MINDY3: variants seen among roughly 807,000 people sequenced by gnomAD.
MINDY3 encodes ubiquitin carboxyl-terminal hydrolase MINDY-3.
A neutral mutation model predicts 69.2 loss-of-function variants in MINDY3; 38 were observed. That is an observed-to-expected ratio of 0.55 (90% CI 0.42 to 0.72). MINDY3 has a LOEUF of 0.72. MINDY3 is among the 30% of genes least tolerant of loss of function. MINDY3 has a pLI of 0.00. For synonymous variants in MINDY3, 192 were observed against 180.1 expected (o/e 1.07, Z -0.53); for missense variants, 522 against 519.0 (o/e 1.01, Z -0.06).
chr10:15,803,555 A>G (rs1264371191), intron 10 of MINDY3, among the ~76,000 whole-genome samples: 2 of 152,098 alleles, frequency 1.3e-5, no homozygotes, highest in Non-Finnish European at 2.9e-5. Flanking sequence ...CAGATTTTCC[A>G]TTTCCAAAAT....
Position 15,860,092 on chromosome 10 carries a change from G to A in MINDY3, c.94+114C>T, listed in dbSNP as rs111418994. 0.01 allele frequency: 7,711 copies of A among 768,858 alleles called. 374 individuals carry two copies. The African/African-American group carries it at 0.12, about 12-fold the overall frequency. 47.6% of individuals were successfully genotyped at this position (768,858 alleles called of 1,614,324 possible). ...AAGTCCAGCTTCAGCGCTGAGCACG[G>A]CGACTGGGGCAGAGAGCGGGGCACG... On this transcript the variant is annotated intron_variant, in intron 1 of 14. Coordinates refer to ENST00000277632, the MANE Select transcript of MINDY3 (RefSeq NM_024948.4).
chr10:15,858,504 T>C (rs1457330065), intron 1 of MINDY3, among the ~76,000 whole-genome samples: 1 of 152,258 alleles, frequency 6.6e-6, no homozygotes, highest in African/African-American at 2.4e-5. Context: ...GAGTGTTCAC[T>C]ATACGTCAGA....
intron 1 of MINDY3, among the ~76,000 whole-genome samples, chr10:15,858,787 TG>T (rs2132165128): frequency 6.6e-6 from 1 of 152,316 alleles, no homozygotes; most frequent in Non-Finnish European, 1.5e-5. Context: ...AAATGTTAAC[TG>T]ATTACAATGG....
At position 15,841,542 on chromosome 10, in the gene MINDY3, C is replaced by G. The variant is rs749577806; in HGVS notation, c.293G>C (p.Cys98Ser). The change falls in exon 4 of 15, where the codon TGT (cysteine) becomes TCT (serine). Residue 98 changes from cysteine (C) to serine (S), a missense_variant. Coordinates refer to ENST00000277632, the MANE Select transcript of MINDY3 (RefSeq NM_024948.4). Reference protein sequence around the residue: ...HTLCDILESACCDHSGSYCLV... With the variant: ...HTLCDILESASCDHSGSYCLV... ...GCAGTATGATCCAGAGTGGTCACAA[C>G]AAGCACTTTCTAAAATATCACACAA... 2.5e-6 allele frequency: 4 copies of G among 1,611,360 alleles called. No individual in the cohort carries two copies. The highest frequency in any genetic ancestry group is 3.4e-6 in the Non-Finnish European group (4 of 1,178,342).
At chr10:15,808,750 G>A (rs922979800) in intron 10 of MINDY3, among the ~76,000 whole-genome samples, 2 of 152,072 alleles carry the variant, frequency 1.3e-5, no homozygotes, top group Non-Finnish European at 1.5e-5. Flanking sequence ...GTGAGGTTCC[G>A]CACACACATA....
At position 15,778,979 on chromosome 10, in the gene MINDY3, A is replaced by ATACT; in HGVS notation, c.*9_*12dup. 1 of 1,607,846 alleles carries ATACT rather than the reference A, an allele frequency of 6.2e-7. No individual in the cohort carries two copies. Among genetic ancestry groups the ATACT allele is most frequent in the Non-Finnish European group, 8.5e-7 (1 of 1,176,162 alleles). On this transcript the variant is annotated 3_prime_UTR_variant, in exon 15 of 15. Coordinates refer to ENST00000277632, the MANE Select transcript of MINDY3 (RefSeq NM_024948.4). ...TCTGTTATTAAGATCTTCCTTATAAATACTTAGACAAATTAATTTAGTGAA... is the reference window on the plus strand; with the variant it reads ...TCTGTTATTAAGATCTTCCTTATAAATACTTACTTAGACAAATTAATTTAGTGAA...
intron 1 of MINDY3, among the ~76,000 whole-genome samples, chr10:15,851,384 G>A (rs1399129842): frequency 6.6e-6 from 1 of 152,016 alleles, no homozygotes; most frequent in African/African-American, 2.4e-5. Flanking sequence ...GCTCCTGCCT[G>A]CATCTCCCTC....
chr10:15,803,679 C>A (rs904363623), intron 10 of MINDY3, among the ~76,000 whole-genome samples: 2 of 151,996 alleles, frequency 1.3e-5, no homozygotes, highest in Non-Finnish European at 2.9e-5. Flanking sequence ...TAGAGAAAAA[C>A]CCAGTCTGTG....
chr10:15,784,993 G>C (rs1345383559), intron 13 of MINDY3, among the ~76,000 whole-genome samples: 1 of 152,090 alleles, frequency 6.6e-6, no homozygotes. Context: ...TCTCTAACTT[G>C]GGCCTCCAGA....
chr10:15,804,164 T>C (rs565045451), intron 10 of MINDY3, among the ~76,000 whole-genome samples: 1 of 152,098 alleles, frequency 6.6e-6, no homozygotes, highest in South Asian at 2.1e-4. Context: ...TCAACAGGGA[T>C]TGCAAAACAA....
chr10:15,848,541 G>A (rs1378071542), intron 1 of MINDY3, among the ~76,000 whole-genome samples: 12 of 145,034 alleles, frequency 8.3e-5, no homozygotes, highest in African/African-American at 1.8e-4. Flanking sequence ...GGCTGAGGCC[G>A]AAGAATGGCG....
chr10:15,829,437 A>C (rs1192426883), intron 8 of MINDY3, among the ~76,000 whole-genome samples: 1 of 152,226 alleles, frequency 6.6e-6, no homozygotes, highest in Non-Finnish European at 1.5e-5. Context: ...ATATGATTTT[A>C]AATTTCTCCT....
intron 8 of MINDY3, among the ~76,000 whole-genome samples, chr10:15,831,946 G>A (rs1198614670): frequency 6.6e-6 from 1 of 152,102 alleles, no homozygotes; most frequent in Non-Finnish European, 1.5e-5. Flanking sequence ...AAAGTGCTGG[G>A]ACTACAGGCA....
At chr10:15,857,490 G>T (rs117983477) in intron 1 of MINDY3, among the ~76,000 whole-genome samples, 2 of 152,152 alleles carry the variant, frequency 1.3e-5, no homozygotes, top group Non-Finnish European at 2.9e-5. Context: ...TTGTGGGAAG[G>T]GGGGAGGATA....
At chr10:15,830,402 C>A (rs182744313) in intron 8 of MINDY3, among the ~76,000 whole-genome samples, 1 of 152,240 alleles carries the variant, frequency 6.6e-6, no homozygotes, top group East Asian at 1.9e-4. Context: ...GAAAGAGGCA[C>A]TGAGTGAAGC....
rs971566794 is a variant in MINDY3, at chr10:15,860,413, G to A, written c.-114C>T. The A allele has an allele frequency of 5.1e-6, 4 of 777,898 alleles. No individual in the cohort carries two copies. The Admixed American group carries it at 6.4e-5, about 12-fold the overall frequency. The allele number at this position is 777,898 out of a possible 1,614,324, so 48.2% of individuals were successfully genotyped here. A position where few individuals can be genotyped will look rare whatever the true frequency, so the allele number is the denominator to read the frequency against. The stretch of plus-strand genomic sequence containing the variant: ...ACGGCGGCGGCAAACGAATTGGAAG[G>A]TGAGGCAGGAAAGAAGAAGGGGCTG... On this transcript the variant is annotated 5_prime_UTR_variant, in exon 1 of 15. Transcript: ENST00000277632.
chr10:15,820,627 A>T (rs1483541770), intron 9 of MINDY3, among the ~76,000 whole-genome samples: 1 of 152,220 alleles, frequency 6.6e-6, no homozygotes. Context: ...GTTTAACCAT[A>T]TGATCACTAC....
chr10:15,824,418 G>A (rs1485064609), intron 8 of MINDY3, among the ~76,000 whole-genome samples: 1 of 152,002 alleles, frequency 6.6e-6, no homozygotes, highest in Admixed American at 6.6e-5. Context: ...GAATTAATAC[G>A]TATTTAAAAA....
chr10:15,816,411 T>C (rs551004338), intron 10 of MINDY3, among the ~76,000 whole-genome samples: 3 of 152,202 alleles, frequency 2.0e-5, no homozygotes, highest in Admixed American at 6.5e-5. Context: ...TTGACTTTAA[T>C]ACCATTGAAT....
Sources: allele counts gnomAD v4.1 joint callset (sites outside exome capture counted in the v4.1 genomes callset), GRCh38; gene constraint gnomAD v4.1.1; transcripts MANE v1.5; gene names NCBI Gene and HGNC (gene_info 2026-07-23, HGNC 2026-07-21).